The following CCDC30 variants were observed in gnomAD, a reference collection of about 807,000 sequenced individuals.
CCDC30 encodes the protein coiled-coil domain containing 30.
A neutral mutation model predicts 100.2 loss-of-function variants in CCDC30; 70 were observed. The observed-to-expected ratio is 0.70, with a 90% CI of 0.58 to 0.85. CCDC30 has a LOEUF of 0.85. CCDC30 is among the 40% of genes least tolerant of loss of function. The pLI, the probability that CCDC30 is intolerant of heterozygous loss-of-function variation, is 0.00. For synonymous variants in CCDC30, 233 were observed against 269.5 expected (o/e 0.86, Z 1.33); for missense variants, 652 against 771.2 (o/e 0.85, Z 1.83).
intron 6 of CCDC30, among the ~76,000 whole-genome samples, chr1:42,545,119 A>G (rs1369606644): frequency 2.0e-5 from 3 of 148,678 alleles, no homozygotes; most frequent in Non-Finnish European, 3.0e-5. Flanking sequence ...CCAAATGCTA[A>G]ACAGCACTCT....
intron 6 of CCDC30, among the ~76,000 whole-genome samples, chr1:42,545,162 TAAAAAAAAAAAA>T (rs57060353): frequency 4.2e-3 from 274 of 64,718 alleles, no homozygotes; most frequent in Middle Eastern, 0.012. Context: ...AAAATACCTT[TAAAAAAAAAAAA>T]AAAAAAAAAA....
intron 1 of CCDC30, among the ~76,000 whole-genome samples, chr1:42,466,931 T>G (rs1205486552): frequency 6.6e-6 from 1 of 152,204 alleles, no homozygotes; most frequent in Non-Finnish European, 1.5e-5. Flanking sequence ...TAATTTAGTT[T>G]TATTACTTCA....
intron 10 of CCDC30, among the ~76,000 whole-genome samples, chr1:42,604,247 GGTTT>G (rs1393012103): frequency 6.6e-6 from 1 of 152,076 alleles, no homozygotes; most frequent in African/African-American, 2.4e-5. Context: ...AGCAAAGAAT[GGTTT>G]GTTAATTTTA....
At chr1:42,513,149 G>A (rs942780360) in intron 6 of CCDC30, among the ~76,000 whole-genome samples, 2 of 152,286 alleles carry the variant, frequency 1.3e-5, no homozygotes, top group Middle Eastern at 3.4e-3. Flanking sequence ...ATGCCAAGAA[G>A]ATTAAGGACA....
chr1:42,573,653 T>C (rs1198631898), intron 7 of CCDC30, among the ~76,000 whole-genome samples: 1 of 152,078 alleles, frequency 6.6e-6, no homozygotes, highest in African/African-American at 2.4e-5. Context: ...CCTTTTCTAA[T>C]TCCCAGTCTC....
In CCDC30 at chr1:42,536,619, G is replaced by A. The variant is rs1447465278; in HGVS notation, c.457-29677G>A. 1.3e-6 allele frequency: 2 copies of A among 1,508,900 alleles called. No individual in the cohort carries two copies. The highest frequency in any genetic ancestry group is 1.8e-6 in the Non-Finnish European group (2 of 1,093,254). 93.5% of individuals were successfully genotyped at this position (1,508,900 alleles called of 1,614,324 possible). On this transcript the variant is annotated intron_variant, in intron 6 of 16. Transcript: ENST00000668663. ...AAAGTGAGGTATTACCATTCAGGAA[G>A]CTGTTTTCTTCTTCTTGTAGTTCTA...
At chr1:42,554,013 A>G (rs990880055) in intron 6 of CCDC30, among the ~76,000 whole-genome samples, 1 of 152,030 alleles carries the variant, frequency 6.6e-6, no homozygotes, top group African/African-American at 2.4e-5. Context: ...ATATATATGT[A>G]TGTATGTGTG....
intron 4 of CCDC30, among the ~76,000 whole-genome samples, chr1:42,492,772 G>T (rs1032645527): frequency 6.6e-6 from 1 of 151,776 alleles, no homozygotes; most frequent in African/African-American, 2.4e-5. Context: ...TCAGCCTCCC[G>T]AGTAGCTGGA....
chr1:42,617,253 A>G (rs1431876064), intron 11 of CCDC30, among the ~76,000 whole-genome samples: 1 of 152,170 alleles, frequency 6.6e-6, no homozygotes, highest in Non-Finnish European at 1.5e-5. Context: ...AGCCTAGGGA[A>G]CGAAGTGAGA....
the CCDC30 span, chr1:42,457,351 G>A: frequency 6.2e-7 from 1 of 1,611,710 alleles, no homozygotes; most frequent in South Asian, 1.1e-5. Context: ...CCCACTGCAG[G>A]TGATGGGCGC....
At chr1:42,580,229 A>C (rs1645934796) in intron 8 of CCDC30, among the ~76,000 whole-genome samples, 1 of 152,236 alleles carries the variant, frequency 6.6e-6, no homozygotes, top group Non-Finnish European at 1.5e-5. Flanking sequence ...AACAGCTCCA[A>C]GGAACTTGAG....
chr1:42,511,804 T>C (rs1201379607), intron 6 of CCDC30, among the ~76,000 whole-genome samples: 2 of 152,188 alleles, frequency 1.3e-5, no homozygotes, highest in Non-Finnish European at 2.9e-5. Context: ...AAATGCCATG[T>C]GCTCTCCAGA....
intron 11 of CCDC30, among the ~76,000 whole-genome samples, chr1:42,625,327 G>T (rs938395410): frequency 3.0e-5 from 3 of 99,352 alleles, no homozygotes; most frequent in Non-Finnish European, 5.5e-5. Flanking sequence ...ACAACTTTTT[G>T]TTTCATTGAT....
intron 11 of CCDC30, among the ~76,000 whole-genome samples, chr1:42,631,279 G>T (rs1421634451): frequency 6.6e-6 from 1 of 152,226 alleles, no homozygotes; most frequent in Non-Finnish European, 1.5e-5. Flanking sequence ...ACTAGGCAGA[G>T]ACTCTTGTTC....
At chr1:42,538,475 G>A (rs1162700159) in intron 6 of CCDC30, among the ~76,000 whole-genome samples, 1 of 151,620 alleles carries the variant, frequency 6.6e-6, no homozygotes, top group Non-Finnish European at 1.5e-5. Flanking sequence ...CACCCTTATA[G>A]TACCAGGTAC....
exon 12 of CCDC30, chr1:42,637,244 A>C (rs962405633): frequency 1.5e-5 from 24 of 1,581,928 alleles, no homozygotes; most frequent in Non-Finnish European, 2.0e-5. Flanking sequence ...TAGAAACTAT[A>C]ATGAGAAACA....
chr1:42,641,531 A>G (rs1164502791), intron 12 of CCDC30, among the ~76,000 whole-genome samples: 1 of 151,756 alleles, frequency 6.6e-6, no homozygotes, highest in Non-Finnish European at 1.5e-5. Flanking sequence ...AGTCTGGATG[A>G]CAGAGCTAGA....
At chr1:42,623,181 T>G (rs1429134174) in intron 11 of CCDC30, among the ~76,000 whole-genome samples, 2 of 152,220 alleles carry the variant, frequency 1.3e-5, no homozygotes, top group Non-Finnish European at 2.9e-5. Flanking sequence ...TTCCATGGGT[T>G]GTCACTTCAC....
intron 3 of CCDC30, among the ~76,000 whole-genome samples, chr1:42,488,698 A>C (rs1644089915): frequency 6.6e-6 from 1 of 152,214 alleles, no homozygotes; most frequent in Non-Finnish European, 1.5e-5. Flanking sequence ...GATATTATCT[A>C]AATTTGGAGC....
Sources: gnomAD v4.1 joint callset for allele counts (sites outside exome capture counted in the v4.1 genomes callset) on GRCh38, gnomAD v4.1.1 for gene constraint, MANE v1.5 for transcripts, NCBI Gene and HGNC (gene_info 2026-07-23, HGNC 2026-07-21) for gene names.